The following CAMK2A variants were observed in gnomAD, a reference collection of about 807,000 sequenced individuals.
The protein encoded by CAMK2A is calcium/calmodulin dependent protein kinase II alpha, also known as calcium/calmodulin-dependent protein kinase type II subunit alpha.
A neutral mutation model predicts 79.2 loss-of-function variants in CAMK2A; 7 were observed. The ratio of observed to expected loss-of-function variants is 0.09; its 90% confidence interval spans 0.05 to 0.17. The LOEUF (loss-of-function observed/expected upper bound fraction) is 0.17, where lower values mean the gene tolerates loss of function less well. Ranked by LOEUF, CAMK2A falls within the 10% of genes least tolerant of loss-of-function variation. The probability of loss-of-function intolerance (pLI) is 1.00; values close to 1 mark genes in which losing one functional copy is unlikely to be tolerated. For missense variants in CAMK2A, 214 were observed against 646.4 expected, an observed-to-expected ratio of 0.33 and a Z score of 7.25; for synonymous variants, 242 against 251.7, an observed-to-expected ratio of 0.96 and a Z score of 0.36.
At chr5:150,242,862 C>A (rs1433614811) in intron 13 of CAMK2A, among the ~76,000 whole-genome samples, 3 of 152,234 alleles carry the variant, frequency 2.0e-5, no homozygotes, top group Admixed American at 2.0e-4. Flanking sequence ...TTATTCTTAT[C>A]TTCCAATAGG....
In CAMK2A at chr5:150,256,387, C is replaced by T. The variant is rs376541611; in HGVS notation, c.411+186G>A. On this transcript the variant is annotated intron_variant, in intron 6 of 18. Transcript: ENST00000671881. The surrounding 1 kb of genome is among the most constrained non-coding windows in gnomAD (Gnocchi z 4.6). ...GGAAGAGCAGGGGCCCAAACACAGA[C>T]GCTCTACCTTCCTGAGCTCTGCTTC... Among the ~76,000 whole-genome samples, 22 of 152,178 alleles carry T rather than the reference C, an allele frequency of 1.4e-4. No homozygotes were observed. Among genetic ancestry groups the T allele is most frequent in the African/African-American group, 4.3e-4 (18 of 41,430 alleles).
At chr5:150,244,081 G>A (rs1253414121) in intron 13 of CAMK2A, among the ~76,000 whole-genome samples, 1 of 152,172 alleles carries the variant, frequency 6.6e-6, no homozygotes, top group Non-Finnish European at 1.5e-5. Context: ...TGAGAAGGGA[G>A]AATGATTAGA....
At chr5:150,267,064 T>A (rs144606631) in intron 2 of CAMK2A, among the ~76,000 whole-genome samples, 1 of 152,314 alleles carries the variant, frequency 6.6e-6, no homozygotes, top group East Asian at 1.9e-4. Context: ...ACTCCCCAGC[T>A]GAAAACCAGC....
chr5:150,264,827 T>G, intron 3 of CAMK2A, 129 bp downstream of exon 3: 1 of 710,202 alleles, frequency 1.4e-6, no homozygotes, highest in Non-Finnish European at 2.6e-6. Context: ...CCCTTTCCCA[T>G]CTCTGCTGCC....
chr5:150,243,971 C>T (rs1017749564), intron 13 of CAMK2A, among the ~76,000 whole-genome samples: 2 of 152,210 alleles, frequency 1.3e-5, no homozygotes, highest in Non-Finnish European at 2.9e-5. Context: ...GCCAGAGGTG[C>T]CTCCCCAGTC....
rs912925871 is a variant in CAMK2A at position 150,223,353 on chromosome 5, T to C, written c.1238-136A>G. On this transcript the variant is annotated intron_variant, in intron 17 of 18. Coordinates refer to ENST00000671881, the MANE Select transcript of CAMK2A (RefSeq NM_015981.4). This position sits in a 1 kb window ranked among gnomAD's most constrained non-coding sequence, Gnocchi z 4.1. ...CTCATTTGCAGGGAAGGGGCCTGTG[T>C]GGCAGGACTCAGCTACCTGGGATCA... is the stretch of plus-strand genomic sequence containing the variant. 1.9e-5 allele frequency: 13 copies of C among 673,486 alleles called. No individual in the cohort carries two copies. The highest frequency in any genetic ancestry group is 3.9e-4 in the Middle Eastern group (1 of 2,540). 41.7% of individuals were successfully genotyped at this position (673,486 alleles called of 1,614,324 possible).
At chr5:150,261,233 G>A (rs562805644) in intron 3 of CAMK2A, among the ~76,000 whole-genome samples, 4 of 152,326 alleles carry the variant, frequency 2.6e-5, no homozygotes, top group East Asian at 1.9e-4. Flanking sequence ...CAGCCCCTAC[G>A]TTTGCAGTGC....
At chr5:150,246,560 A>G (rs2114056541) in intron 12 of CAMK2A, among the ~76,000 whole-genome samples, 2 of 152,340 alleles carry the variant, frequency 1.3e-5, no homozygotes, top group South Asian at 4.1e-4. Context: ...AAGCATATCA[A>G]GAGATTCAAT....
intron 12 of CAMK2A, 92 bp from the exon 13 acceptor site, chr5:150,245,293 G>A: frequency 8.0e-7 from 1 of 1,242,574 alleles, no homozygotes; most frequent in Admixed American, 1.7e-5. Context: ...CGCAGCCGGA[G>A]GGCAGACTGC....
Position 150,253,504 on chromosome 5 carries a change from C to T in CAMK2A, c.454G>A (p.Val152Met). ...GCCAGGCCAAAGTCTGCCAGCTTCA[C>T]TGCGGCACCCTTGAGCTTGGAGGCC... The part of the protein sequence containing the change: ...LLASKLKGAA[V>M]KLADFGLAIE... Residue 152 changes from valine to methionine, a missense_variant, in exon 7 of 19, where the codon GTG (valine) becomes ATG (methionine). Coordinates refer to ENST00000671881, the MANE Select transcript of CAMK2A (RefSeq NM_015981.4). The T allele has an allele frequency of 6.2e-7, 1 of 1,614,264 alleles. No individual in the cohort carries two copies. The highest frequency in any genetic ancestry group is 8.5e-7 in the Non-Finnish European group (1 of 1,180,032).
intron 2 of CAMK2A, among the ~76,000 whole-genome samples, chr5:150,267,920 C>T (rs112539957): frequency 0.046 from 6,909 of 149,136 alleles, 339 homozygotes; most frequent in African/African-American, 0.12. Flanking sequence ...GTCGGCCAGA[C>T]TGGAGTGCAG....
chr5:150,229,814 G>T (rs1432863265), intron 16 of CAMK2A, among the ~76,000 whole-genome samples: 1 of 152,204 alleles, frequency 6.6e-6, no homozygotes, highest in Non-Finnish European at 1.5e-5. Flanking sequence ...CAACACTCAG[G>T]TATATACATG....
In CAMK2A at chr5:150,223,246, A is replaced by T; in HGVS notation, c.1238-29T>A. 1.3e-6 allele frequency: 2 copies of T among 1,578,606 alleles called. No homozygotes were observed. The highest frequency in any genetic ancestry group is 8.7e-7 in the Non-Finnish European group (1 of 1,151,426). ...GAGGAGGGGATGGGAGGGGCAGAGG[A>T]GATGCAACCGGGGGCCTCCTGTCTC... On this transcript the variant is annotated intron_variant, in intron 17 of 18. Coordinates refer to ENST00000671881, the MANE Select transcript of CAMK2A (RefSeq NM_015981.4). The surrounding 1 kb of genome is among the most constrained non-coding windows in gnomAD (Gnocchi z 4.1).
chr5:150,279,433 A>T (rs1022105078), intron 1 of CAMK2A, among the ~76,000 whole-genome samples: 6 of 152,194 alleles, frequency 3.9e-5, no homozygotes, highest in African/African-American at 1.4e-4. Context: ...GGATAATAAT[A>T]GTACCAACCC....
intron 13 of CAMK2A, among the ~76,000 whole-genome samples, chr5:150,244,939 C>G (rs969907338): frequency 3.3e-5 from 5 of 152,158 alleles, no homozygotes; most frequent in Admixed American, 3.3e-4. Flanking sequence ...TTCCACCCTC[C>G]TCCAGTCCCC....
At chr5:150,277,240 G>C (rs897453606) in intron 1 of CAMK2A, among the ~76,000 whole-genome samples, 6 of 152,132 alleles carry the variant, frequency 3.9e-5, no homozygotes, top group Non-Finnish European at 7.4e-5. Context: ...AGATTCCAAG[G>C]TCCCACCCAC....
At position 150,289,747 on chromosome 5, in the gene CAMK2A, G is replaced by T. The variant is rs572339404; in HGVS notation, c.-122C>A. The T allele has an allele frequency of 4.1e-6, 3 of 726,648 alleles. No individual in the cohort carries two copies. The highest frequency in any genetic ancestry group is 6.9e-6 in the Non-Finnish European group (3 of 432,728). The allele number at this position is 726,648 out of a possible 1,614,324, so 45.0% of individuals were successfully genotyped here. A position where few individuals can be genotyped will look rare whatever the true frequency, so the allele number is the denominator to read the frequency against. On this transcript the variant is annotated 5_prime_UTR_variant, in exon 1 of 19. Transcript: ENST00000671881. ...TGCTGCCGAGTGCAAACAGAGAACC[G>T]GTTTGACTGACGAGCCCGGGGCTTC... is the stretch of plus-strand genomic sequence containing the variant.
At chr5:150,283,559 T>C (rs1026284295) in intron 1 of CAMK2A, among the ~76,000 whole-genome samples, 2 of 152,266 alleles carry the variant, frequency 1.3e-5, no homozygotes, top group South Asian at 2.1e-4. Context: ...GTAACTCTTA[T>C]TCAGCCTCCA....
chr5:150,283,092 C>T (rs1481558107), intron 1 of CAMK2A, among the ~76,000 whole-genome samples: 1 of 152,244 alleles, frequency 6.6e-6, no homozygotes, highest in Non-Finnish European at 1.5e-5. Context: ...CCCCCCAATT[C>T]CTTGGTGTTC....
Sources: gnomAD v4.1 joint callset for allele counts (sites outside exome capture counted in the v4.1 genomes callset) on GRCh38, gnomAD v4.1.1 for gene constraint, Gnocchi (gnomAD v3.1) non-coding constraint, MANE v1.5 for transcripts, NCBI Gene and HGNC (gene_info 2026-07-23, HGNC 2026-07-21) for gene names.